The following AGAP1 variants were observed in gnomAD, a reference collection of about 807,000 sequenced individuals.
AGAP1 encodes arf-GAP with GTPase, ANK repeat and PH domain-containing protein 1.
AGAP1 carries 29 observed loss-of-function variants against 105.3 expected under a neutral mutation model. The ratio of observed to expected loss-of-function variants is 0.28; its 90% confidence interval spans 0.21 to 0.38. The LOEUF is 0.38. Among genes scored for constraint, AGAP1 ranks in the 10% least tolerant of loss-of-function variants. The probability of loss-of-function intolerance (pLI) is 1.00; values close to 1 mark genes in which losing one functional copy is unlikely to be tolerated. For missense variants in AGAP1, 998 were observed against 1,165.1 expected, an observed-to-expected ratio of 0.86 and a Z score of 2.09; for synonymous variants, 509 against 485.9, an observed-to-expected ratio of 1.05 and a Z score of -0.63.
Position 235,578,867 on chromosome 2 carries a change from G to A in AGAP1, c.163+84018G>A, listed in dbSNP as rs1376759743. 6.6e-6 allele frequency among the ~76,000 whole-genome samples: 1 copy of A among 151,716 alleles called. No individual in the cohort carries two copies. The highest frequency in any genetic ancestry group is 1.5e-5 in the Non-Finnish European group (1 of 67,960). On this transcript the variant is annotated intron_variant, in intron 1 of 17. Coordinates refer to ENST00000304032, the MANE Select transcript of AGAP1 (RefSeq NM_001037131.3). This position sits in a 1 kb window ranked among gnomAD's most constrained non-coding sequence, Gnocchi z 4.9. ...TAGCCCAATAGTTTTTCACTGTTGA[G>A]GGTCAAAATTTTACCTTTGTCTACC...
rs1405604357 is a variant in AGAP1 at position 235,887,398 on chromosome 2, T to A, written c.1155+3949T>A. Among the ~76,000 whole-genome samples the A allele has an allele frequency of 6.6e-6, 1 of 152,206 alleles. No homozygotes were observed. Among genetic ancestry groups the A allele is most frequent in the African/African-American group, 2.4e-5 (1 of 41,454 alleles). ...CTGAACATGGGAACCTGCCTCCTTTTCTCTCCTCTGGGATTCAGGCCCATG... is the reference window on the plus strand; with the variant it reads ...CTGAACATGGGAACCTGCCTCCTTTACTCTCCTCTGGGATTCAGGCCCATG... On this transcript the variant is annotated intron_variant, in intron 10 of 17. Transcript: ENST00000304032. The surrounding 1 kb of genome is among the most constrained non-coding windows in gnomAD (Gnocchi z 4.1).
rs1301694682 is a variant in AGAP1 at position 236,104,852 on chromosome 2, T to A, written c.2115-15340T>A. Among the ~76,000 whole-genome samples, 2 of 151,868 alleles carry A rather than the reference T, an allele frequency of 1.3e-5. No individual in the cohort carries two copies. Among genetic ancestry groups the A allele is most frequent in the African/African-American group, 2.4e-5 (1 of 41,338 alleles). On this transcript the variant is annotated intron_variant, in intron 16 of 17. Coordinates refer to ENST00000304032, the MANE Select transcript of AGAP1 (RefSeq NM_001037131.3). This position sits in a 1 kb window ranked among gnomAD's most constrained non-coding sequence, Gnocchi z 4.7. The stretch of plus-strand genomic sequence containing the variant: ...AGGCGGAGGTAGCAGTGAGCCCAAG[T>A]TCATGCCACTGCACTGCAGCCTGGG...
rs115075092 is a variant in AGAP1 at position 235,745,210 on chromosome 2, A to G, written c.538+371A>G. Among the ~76,000 whole-genome samples the G allele has an allele frequency of 2.6e-3, 392 of 152,348 alleles. 6 individuals are homozygous for G. Among genetic ancestry groups the G allele is most frequent in the East Asian group, 0.02 (104 of 5,190 alleles). ...AATTCTCTGTTCTATAAAATGATTT[A>G]TAAACAATCTATTAAAGCTTATCTT... is the stretch of plus-strand genomic sequence containing the variant. On this transcript the variant is annotated intron_variant, in intron 5 of 17. Transcript: ENST00000304032.
At chr2:235,923,816 G>A (rs1177837608) in intron 11 of AGAP1, among the ~76,000 whole-genome samples, 1 of 152,206 alleles carries the variant, frequency 6.6e-6, no homozygotes, top group Non-Finnish European at 1.5e-5. Flanking sequence ...TGGTGGCCAT[G>A]TTTATGTGCA....
Position 235,717,503 on chromosome 2 carries a change from A to T in AGAP1, c.223-54A>T, listed in dbSNP as rs1575214695. ...TATTTTAGCCTCTTAGTATTTGCAA[A>T]ATGCCAAATAGAGTGATTTGATGAT... On this transcript the variant is annotated intron_variant, in intron 2 of 17. Coordinates refer to ENST00000304032, the MANE Select transcript of AGAP1 (RefSeq NM_001037131.3). 2.7e-6 allele frequency: 4 copies of T among 1,493,010 alleles called. No individual in the cohort carries two copies. In the African/African-American group the frequency reaches 4.3e-5, roughly 16 times the overall value. 92.5% of individuals were successfully genotyped at this position (1,493,010 alleles called of 1,614,324 possible).
intron 9 of AGAP1, among the ~76,000 whole-genome samples, chr2:235,859,401 C>G (rs185819908): frequency 0.15 from 12,243 of 84,242 alleles, 2,430 homozygotes; most frequent in African/African-American, 0.39. Flanking sequence ...CCTCCCCCCC[C>G]CCCCCCGCCT....
rs2058747900 is a variant in AGAP1, at chr2:236,080,294, C to T, written c.2114+31013C>T. ...GGAAAGGAGAGAGAAGAATTGTTAC[C>T]CGGCAAAGATCAGACTGCCTCCTCC... On this transcript the variant is annotated intron_variant, in intron 16 of 17. Transcript: ENST00000304032. The surrounding 1 kb of genome is among the most constrained non-coding windows in gnomAD (Gnocchi z 4.2). 6.6e-6 allele frequency among the ~76,000 whole-genome samples: 1 copy of T among 152,150 alleles called. No individual in the cohort carries two copies. The highest frequency in any genetic ancestry group is 1.5e-5 in the Non-Finnish European group (1 of 68,026).
chr2:235,584,345 G>T (rs1945032973), intron 1 of AGAP1, among the ~76,000 whole-genome samples: 1 of 151,262 alleles, frequency 6.6e-6, no homozygotes, highest in South Asian at 2.1e-4. Context: ...GTTAAGGGAC[G>T]ACTGTGTTGT....
At chr2:235,776,627 C>A (rs912609376) in intron 6 of AGAP1, among the ~76,000 whole-genome samples, 4 of 152,170 alleles carry the variant, frequency 2.6e-5, no homozygotes, top group Non-Finnish European at 5.9e-5. Context: ...AATGTGGCAC[C>A]ACCTGTCCCA....
At chr2:235,687,128 C>T (rs1949493093) in intron 1 of AGAP1, among the ~76,000 whole-genome samples, 1 of 152,144 alleles carries the variant, frequency 6.6e-6, no homozygotes, top group Non-Finnish European at 1.5e-5. Flanking sequence ...CCTCAGTTTC[C>T]TCGTATGTCC....
intron 10 of AGAP1, among the ~76,000 whole-genome samples, chr2:235,884,218 A>G (rs946310066): frequency 2.4e-4 from 37 of 152,108 alleles, no homozygotes; most frequent in African/African-American, 8.5e-4. Context: ...CTCAGTATCT[A>G]TGGGGGATGG....
At chr2:235,852,254 A>C (rs549395626) in intron 9 of AGAP1, among the ~76,000 whole-genome samples, 2 of 152,380 alleles carry the variant, frequency 1.3e-5, no homozygotes, top group Non-Finnish European at 2.9e-5. Flanking sequence ...GATTCACTTA[A>C]AATGCAGCAG....
At chr2:235,956,966 A>G (rs1333596908) in intron 12 of AGAP1, among the ~76,000 whole-genome samples, 1 of 152,238 alleles carries the variant, frequency 6.6e-6, no homozygotes, top group African/African-American at 2.4e-5. Flanking sequence ...GCTTTGTAGC[A>G]TTTAATACAA....
chr2:235,686,239 C>T lies in AGAP1; in HGVS notation c.164-22940C>T, dbSNP rs373662001. Among the ~76,000 whole-genome samples, 14 of 152,156 alleles carry T rather than the reference C, an allele frequency of 9.2e-5. No homozygotes were observed. In the East Asian group the frequency reaches 1.2e-3, roughly 13 times the overall value. On this transcript the variant is annotated intron_variant, in intron 1 of 17. Transcript: ENST00000304032. ...TAAGCCTCCTGCTGTACGGGGCACC[C>T]GCTGGGAGGGAAGAGGTGCTGGCCA...
rs906093173 is a variant in AGAP1, at chr2:236,105,687, G to A, written c.2115-14505G>A. Among the ~76,000 whole-genome samples, 2 of 114,858 alleles carry A rather than the reference G, an allele frequency of 1.7e-5. No homozygotes were observed. The highest frequency in any genetic ancestry group is 3.0e-5 in the African/African-American group (1 of 33,208). 75.4% of individuals were successfully genotyped at this position (114,858 alleles called of 152,430 possible). A position where few individuals can be genotyped will look rare whatever the true frequency, so the allele number is the denominator to read the frequency against. On this transcript the variant is annotated intron_variant, in intron 16 of 17. Coordinates refer to ENST00000304032, the MANE Select transcript of AGAP1 (RefSeq NM_001037131.3). This position sits in a 1 kb window ranked among gnomAD's most constrained non-coding sequence, Gnocchi z 4.2. ...TCTCCCGCGTTCACGCCATTCTCCC[G>A]CGTTCACGCCATTCTCCCACCTCAG...
At position 235,964,203 on chromosome 2, in the gene AGAP1, G is replaced by A. The variant is rs2054298758; in HGVS notation, c.1484-4259G>A. ...AACACAGAGTGACAGAGGGAAGGAC[G>A]CACAGTTGGGGATGAACATGGCCTG... On this transcript the variant is annotated intron_variant, in intron 12 of 17. Transcript: ENST00000304032. This position sits in a 1 kb window ranked among gnomAD's most constrained non-coding sequence, Gnocchi z 4.6. Among the ~76,000 whole-genome samples the A allele has an allele frequency of 1.3e-5, 2 of 152,136 alleles. No individual in the cohort carries two copies. The highest frequency in any genetic ancestry group is 2.9e-5 in the Non-Finnish European group (2 of 68,044).
At chr2:235,626,993 TG>T (rs1349931253) in intron 1 of AGAP1, among the ~76,000 whole-genome samples, 2 of 151,832 alleles carry the variant, frequency 1.3e-5, no homozygotes, top group Non-Finnish European at 2.9e-5. Flanking sequence ...ATAGATATGT[TG>T]GGTTTATTTT....
chr2:235,585,498 G>A (rs933942399), intron 1 of AGAP1, among the ~76,000 whole-genome samples: 4 of 152,172 alleles, frequency 2.6e-5, no homozygotes, highest in Non-Finnish European at 4.4e-5. Flanking sequence ...GGAGCCACAT[G>A]CTCTCAGGTT....
In AGAP1 at chr2:235,737,165, T is replaced by C. The variant is rs1952303002; in HGVS notation, c.311-3798T>C. ...CCCAGTAAAGACATTCTTGCTTTCA[T>C]ACAACCTGGCTGCTGGAGCACCTGG... On this transcript the variant is annotated intron_variant, in intron 3 of 17. Transcript: ENST00000304032. This position sits in a 1 kb window ranked among gnomAD's most constrained non-coding sequence, Gnocchi z 4.5. 6.6e-6 allele frequency among the ~76,000 whole-genome samples: 1 copy of C among 152,234 alleles called. No individual in the cohort carries two copies. The highest frequency in any genetic ancestry group is 6.5e-5 in the Admixed American group (1 of 15,288).
Sources: allele counts gnomAD v4.1 joint callset (sites outside exome capture counted in the v4.1 genomes callset), GRCh38; gene constraint gnomAD v4.1.1; non-coding constraint Gnocchi (gnomAD v3.1); transcripts MANE v1.5; gene names NCBI Gene and HGNC (gene_info 2026-07-23, HGNC 2026-07-21).